The following CSGALNACT1 variants were observed in gnomAD, a reference collection of about 807,000 sequenced individuals.
CSGALNACT1 encodes the protein chondroitin sulfate N-acetylgalactosaminyltransferase 1.
CSGALNACT1 carries 52 observed loss-of-function variants against 51.0 expected under a neutral mutation model. The observed-to-expected ratio is 1.02, with a 90% CI of 0.82 to 1.29. The LOEUF (loss-of-function observed/expected upper bound fraction) is 1.29, where lower values mean the gene tolerates loss of function less well. CSGALNACT1 is among the 50% of genes most tolerant of loss of function. The pLI, the probability that CSGALNACT1 is intolerant of heterozygous loss-of-function variation, is 0.00. For synonymous variants in CSGALNACT1, 341 were observed against 254.4 expected, an observed-to-expected ratio of 1.34 and a Z score of -3.24; for missense variants, 935 against 679.2, an observed-to-expected ratio of 1.38 and a Z score of -4.19.
At chr8:19,710,623 T>G (rs1361540094) in intron 1 of CSGALNACT1, among the ~76,000 whole-genome samples, 1 of 152,228 alleles carries the variant, frequency 6.6e-6, no homozygotes, top group Non-Finnish European at 1.5e-5. Flanking sequence ...CTTGTTTTAT[T>G]ACTCTCTGTA....
intron 4 of CSGALNACT1, among the ~76,000 whole-genome samples, chr8:19,479,937 T>C (rs1248038225): frequency 1.3e-5 from 2 of 152,168 alleles, no homozygotes; most frequent in Non-Finnish European, 2.9e-5. Context: ...CCAAGTGTGA[T>C]ATAAATATTG....
Position 19,503,344 on chromosome 8 carries a change from C to G in CSGALNACT1, c.634+1857G>C, listed in dbSNP as rs771399468. Among the ~76,000 whole-genome samples, 56 of 152,288 alleles carry G rather than the reference C, an allele frequency of 3.7e-4. 1 individual carries two copies. The Middle Eastern group carries it at 0.01, about 28-fold the overall frequency. On this transcript the variant is annotated intron_variant, in intron 4 of 9. Transcript: ENST00000454498. ...TCAGCCAAGCCTCAGAGCAAATATACTGAGGGGCAAGAGGCTGGTGTCACT... is the reference window on the plus strand; with the variant it reads ...TCAGCCAAGCCTCAGAGCAAATATAGTGAGGGGCAAGAGGCTGGTGTCACT...
At chr8:19,505,854 C>A (rs754880654) in exon 4 of CSGALNACT1, 1 of 1,606,202 alleles carries the variant, frequency 6.2e-7, no homozygotes, top group Non-Finnish European at 8.5e-7. Context: ...AGCCATGCGT[C>A]CAGAACCGGT....
chr8:19,666,996 A>AAGGAAGG (rs2059360322), intron 1 of CSGALNACT1, among the ~76,000 whole-genome samples: 4 of 18,870 alleles, frequency 2.1e-4, no homozygotes, highest in South Asian at 2.0e-3. Context: ...AGAAAGAAAG[A>AAGGAAGG]AAGAAAGAAA....
intron 1 of CSGALNACT1, among the ~76,000 whole-genome samples, chr8:19,750,935 T>C (rs146150379): frequency 3.4e-4 from 52 of 152,302 alleles, no homozygotes; most frequent in African/African-American, 1.3e-3. Flanking sequence ...ACAGAGATGT[T>C]GCTCTACATT....
At chr8:19,431,698 C>T (rs1386675019) in intron 6 of CSGALNACT1, among the ~76,000 whole-genome samples, 4 of 152,024 alleles carry the variant, frequency 2.6e-5, no homozygotes, top group African/African-American at 7.2e-5. Context: ...GGAAAGTGTT[C>T]TCTCCTCTTC....
chr8:19,577,716 T>C (rs920782941), intron 3 of CSGALNACT1, among the ~76,000 whole-genome samples: 10 of 151,940 alleles, frequency 6.6e-5, no homozygotes, highest in Admixed American at 6.6e-4. Context: ...TAACAAGGCA[T>C]GGGTTTGGGT....
At chr8:19,480,733 G>A (rs923138607) in intron 4 of CSGALNACT1, among the ~76,000 whole-genome samples, 18 of 152,276 alleles carry the variant, frequency 1.2e-4, no homozygotes, top group African/African-American at 4.3e-4. Flanking sequence ...AGTAAAACGT[G>A]TATTTACAGA....
chr8:19,699,813 T>C (rs1480283354), intron 1 of CSGALNACT1, among the ~76,000 whole-genome samples: 2 of 152,080 alleles, frequency 1.3e-5, no homozygotes, highest in East Asian at 3.9e-4. Context: ...TCATCAAAAT[T>C]TTTAAAAGAA....
rs537581594 is a variant in CSGALNACT1, at chr8:19,731,129, C to T, written c.-297+26721G>A. Among the ~76,000 whole-genome samples the T allele has an allele frequency of 3.9e-5, 6 of 152,110 alleles. No individual in the cohort carries two copies. In the South Asian group the frequency reaches 8.3e-4, roughly 21 times the overall value. On this transcript the variant is annotated intron_variant, in intron 1 of 1. Coordinates refer to the CSGALNACT1 transcript ENST00000517494. ...GACATATCATCTTACAACCTAAAACCTGAGAAACTTGTGACGCCACTTTTT... is the reference window on the plus strand; with the variant it reads ...GACATATCATCTTACAACCTAAAACTTGAGAAACTTGTGACGCCACTTTTT...
At chr8:19,507,986 G>A (rs879080617) in intron 3 of CSGALNACT1, among the ~76,000 whole-genome samples, 2 of 152,194 alleles carry the variant, frequency 1.3e-5, no homozygotes, top group African/African-American at 4.8e-5. Context: ...AGGGTATCAT[G>A]CCTTTGCCAT....
intron 1 of CSGALNACT1, among the ~76,000 whole-genome samples, chr8:19,722,905 G>A (rs1564471885): frequency 6.6e-6 from 1 of 152,222 alleles, no homozygotes; most frequent in Non-Finnish European, 1.5e-5. Context: ...ACAGAAGCAA[G>A]TACAACGATT....
At chr8:19,568,347 AATAGAAAAGGC>A (rs2042308147) in intron 3 of CSGALNACT1, among the ~76,000 whole-genome samples, 1 of 152,182 alleles carries the variant, frequency 6.6e-6, no homozygotes, top group Non-Finnish European at 1.5e-5. Flanking sequence ...CATATCAAAA[AATAGAAAAGGC>A]ATAGGGAAAA....
At chr8:19,539,059 T>G (rs2084449865) in intron 3 of CSGALNACT1, among the ~76,000 whole-genome samples, 1 of 152,178 alleles carries the variant, frequency 6.6e-6, no homozygotes, top group East Asian at 1.9e-4. Flanking sequence ...TTTGTTATAT[T>G]TTCTTTTTAT....
intron 8 of CSGALNACT1, among the ~76,000 whole-genome samples, chr8:19,416,730 C>G (rs1672668689): frequency 6.6e-6 from 1 of 152,208 alleles, no homozygotes; most frequent in Non-Finnish European, 1.5e-5. Flanking sequence ...TACCATACAG[C>G]CTACGTGTGT....
At chr8:19,517,132 T>C (rs1185003917) in intron 3 of CSGALNACT1, among the ~76,000 whole-genome samples, 1 of 152,100 alleles carries the variant, frequency 6.6e-6, no homozygotes, top group African/African-American at 2.4e-5. Context: ...AACTAAGAAA[T>C]GTTCTTTGAA....
chr8:19,648,589 C>CAG, intron 1 of CSGALNACT1, among the ~76,000 whole-genome samples: 2 of 152,302 alleles, frequency 1.3e-5, no homozygotes, highest in Non-Finnish European at 2.9e-5. Flanking sequence ...AGGAGGATTG[C>CAG]CTGAGCCCAG....
In CSGALNACT1 at chr8:19,517,182, A is replaced by G. The variant is rs145157642; in HGVS notation, c.-296-11052T>C. The stretch of plus-strand genomic sequence containing the variant: ...GCCAGGCATGGTGACTCACATCTGT[A>G]ATCCCAGCACTTTGGGAGGCCGAGG... On this transcript the variant is annotated intron_variant, in intron 3 of 9. Transcript: ENST00000454498. 4.2e-3 allele frequency among the ~76,000 whole-genome samples: 639 copies of G among 152,324 alleles called. 4 individuals carry two copies. The highest frequency in any genetic ancestry group is 0.015 in the African/African-American group (607 of 41,580).
At chr8:19,424,145 G>A (rs568556509) in intron 6 of CSGALNACT1, among the ~76,000 whole-genome samples, 1 of 152,296 alleles carries the variant, frequency 6.6e-6, no homozygotes, top group South Asian at 2.1e-4. Flanking sequence ...CACTCACCAG[G>A]TCCTGATGAG....
Sources: gnomAD v4.1 joint callset for allele counts (sites outside exome capture counted in the v4.1 genomes callset) on GRCh38, gnomAD v4.1.1 for gene constraint, MANE v1.5 for transcripts, NCBI Gene and HGNC (gene_info 2026-07-23, HGNC 2026-07-21) for gene names.